The following USP49 variants were observed in gnomAD, a reference collection of about 807,000 sequenced individuals.
The protein encoded by USP49 is ubiquitin carboxyl-terminal hydrolase 49.
Under a neutral mutation model 58.6 loss-of-function variants are expected in USP49, and 24 were observed. That is an observed-to-expected ratio of 0.41 (90% confidence interval 0.30 to 0.58). USP49 has a LOEUF of 0.58. USP49 is among the 20% of genes least tolerant of loss of function. The pLI is 0.30. For missense variants in USP49, 703 were observed against 866.1 expected (o/e 0.81, Z 2.36); for synonymous variants, 408 against 365.1 (o/e 1.12, Z -1.34).
At chr6:41,833,246 G>C (rs1016148006) in intron 3 of USP49, among the ~76,000 whole-genome samples, 2 of 151,794 alleles carry the variant, frequency 1.3e-5, no homozygotes, top group African/African-American at 4.8e-5. Context: ...TCGATCTCCT[G>C]ACCTCATGAT....
chr6:41,889,570 G>T (rs940535977), intron 2 of USP49, among the ~76,000 whole-genome samples: 1 of 152,006 alleles, frequency 6.6e-6, no homozygotes, highest in Non-Finnish European at 1.5e-5. Context: ...CAACACATGG[G>T]TACACTGTGA....
chr6:41,888,939 G>A (rs1326010200), intron 2 of USP49, among the ~76,000 whole-genome samples: 4 of 152,142 alleles, frequency 2.6e-5, no homozygotes, highest in Non-Finnish European at 5.9e-5. Context: ...CCAAAATTTA[G>A]GTTTATTTGG....
intron 2 of USP49, 111 bp downstream of exon 2, chr6:41,891,683 G>A (rs1774813022): frequency 6.6e-6 from 1 of 152,152 alleles, no homozygotes; most frequent in African/African-American, 2.4e-5. Context: ...TTGGAGAGAA[G>A]GCAGACTCTC....
chr6:41,814,735 G>A (rs996106505), intron 3 of USP49, among the ~76,000 whole-genome samples: 1 of 152,136 alleles, frequency 6.6e-6, no homozygotes, highest in African/African-American at 2.4e-5. Flanking sequence ...ACTAAGGACC[G>A]TAGAATAATC....
intron 3 of USP49, among the ~76,000 whole-genome samples, chr6:41,863,648 T>G (rs1582028381): frequency 6.6e-6 from 1 of 152,330 alleles, no homozygotes; most frequent in Middle Eastern, 3.4e-3. Flanking sequence ...CTCACAGAGT[T>G]GATGTGATTA....
intron 3 of USP49, among the ~76,000 whole-genome samples, chr6:41,867,930 TACTTAA>T (rs1456875719): frequency 6.6e-6 from 1 of 152,234 alleles, no homozygotes; most frequent in Non-Finnish European, 1.5e-5. Context: ...ATTTTTCCCA[TACTTAA>T]GATACATGAT....
intron 2 of USP49, among the ~76,000 whole-genome samples, chr6:41,883,395 GC>G (rs1410305025): frequency 2.0e-5 from 3 of 148,690 alleles, no homozygotes; most frequent in Non-Finnish European, 4.4e-5. Context: ...AGTGGCTCAC[GC>G]TTGTAATCCC....
intron 3 of USP49, among the ~76,000 whole-genome samples, chr6:41,842,240 G>A (rs1773840006): frequency 6.6e-6 from 1 of 151,994 alleles, no homozygotes; most frequent in Middle Eastern, 3.4e-3. Context: ...GGGTGTGGTG[G>A]CTCACACCTA....
At position 41,806,079 on chromosome 6, in the gene USP49, T is replaced by C; in HGVS notation, c.905A>G (p.Gln302Arg). 1.9e-6 allele frequency: 3 copies of C among 1,614,088 alleles called. No individual in the cohort carries two copies. Among genetic ancestry groups the C allele is most frequent in the Non-Finnish European group, 2.5e-6 (3 of 1,180,040 alleles). The stretch of plus-strand genomic sequence containing the variant: ...GCTGTTGGTTGGCTTGCCAGAAAGC[T>C]GAGTCTTCCCGTTGGTGGCTTTGGG... ...LFPKATNGKT[Q>R]LSGKPTNSSA... The change falls in exon 4 of 8, where the codon CAG (glutamine) becomes CGG (arginine). Residue 302 changes from glutamine (Q) to arginine (R), a missense_variant. Physicochemically the swap from Gln to Arg is conservative, Grantham distance 43. Around this residue, in one of 6 missense-constraint regions of USP49, gnomAD observed 97 missense variants for 88.0 expected, o/e 1.10. Coordinates refer to ENST00000682992, the MANE Select transcript of USP49 (RefSeq NM_001286554.2). This position sits in a 1 kb window ranked among gnomAD's most constrained non-coding sequence, Gnocchi z 5.9.
At chr6:41,849,243 A>T (rs906172437) in intron 3 of USP49, among the ~76,000 whole-genome samples, 2 of 152,224 alleles carry the variant, frequency 1.3e-5, no homozygotes, top group Non-Finnish European at 1.5e-5. Flanking sequence ...AGGGTAAACC[A>T]GGAAGATATA....
rs763976444 is a variant in USP49, at chr6:41,798,905, C to G, written c.1695G>C (p.Glu565Asp). 7 of 1,613,744 alleles carry G rather than the reference C, an allele frequency of 4.3e-6. No homozygotes were observed. In the East Asian group the frequency reaches 1.1e-4, roughly 26 times the overall value. The change falls in exon 7 of 8, where the codon GAG becomes GAC. Residue 565 changes from glutamate to aspartate, a missense_variant. This residue lies in a region of USP49 where 158 missense variants were observed against 241.2 expected (regional missense o/e 0.66). Coordinates refer to ENST00000682992, the MANE Select transcript of USP49 (RefSeq NM_001286554.2). ...CAAAGACGACATGGACCCCAATCTTCTCTCGATGATTACGGCCAGACCACC... is the reference window on the plus strand; with the variant it reads ...CAAAGACGACATGGACCCCAATCTTGTCTCGATGATTACGGCCAGACCACC... ...RFRWSGRNHR[E>D]KIGVHVVFDQ...
At chr6:41,888,141 G>A (rs931179519) in intron 2 of USP49, among the ~76,000 whole-genome samples, 1 of 131,460 alleles carries the variant, frequency 7.6e-6, no homozygotes, top group Non-Finnish European at 1.5e-5. Flanking sequence ...TGCAACCTCC[G>A]CCTCCCAGGT....
chr6:41,891,165 T>C (rs75473338), intron 2 of USP49, among the ~76,000 whole-genome samples: 2,533 of 152,264 alleles, frequency 0.017, 54 homozygotes, highest in African/African-American at 0.051. Flanking sequence ...AAGAAGAACT[T>C]GGTGAGGGAG....
chr6:41,803,611 GT>G lies in USP49; in HGVS notation c.1561+194del, dbSNP rs1402302198. On this transcript the variant is annotated intron_variant, in intron 5 of 7. Coordinates refer to ENST00000682992, the MANE Select transcript of USP49 (RefSeq NM_001286554.2). This position sits in a 1 kb window ranked among gnomAD's most constrained non-coding sequence, Gnocchi z 4.1. ...GAGCCACAACGCCCAGCCTTGTTTT[GT>G]TTTTTAATACATAATTAAAACAAGT... Among the ~76,000 whole-genome samples, 1 of 152,110 alleles carries G rather than the reference GT, an allele frequency of 6.6e-6. No homozygotes were observed. The highest frequency in any genetic ancestry group is 6.6e-5 in the Admixed American group (1 of 15,264).
intron 3 of USP49, among the ~76,000 whole-genome samples, chr6:41,836,880 C>G (rs181862845): frequency 3.0e-4 from 46 of 151,464 alleles, no homozygotes; most frequent in East Asian, 7.7e-4. Flanking sequence ...CACACACAAA[C>G]AAAATACCTA....
At chr6:41,860,619 T>C (rs1255024442) in intron 3 of USP49, among the ~76,000 whole-genome samples, 3 of 152,030 alleles carry the variant, frequency 2.0e-5, no homozygotes, top group Non-Finnish European at 1.5e-5. Context: ...GTGATTCCCC[T>C]GCCTCAGCCT....
chr6:41,832,608 TTATTA>T (rs1773654371), intron 3 of USP49, among the ~76,000 whole-genome samples: 1 of 152,086 alleles, frequency 6.6e-6, no homozygotes, highest in Non-Finnish European at 1.5e-5. Flanking sequence ...AAACCTGGTG[TTATTA>T]TGAGGACTGG....
intron 2 of USP49, among the ~76,000 whole-genome samples, chr6:41,876,556 G>A (rs1774508009): frequency 6.6e-6 from 1 of 152,080 alleles, no homozygotes. Flanking sequence ...TGGGACTACA[G>A]GTGCGTGCCA....
At chr6:41,851,952 CAAAAAAAAAAAAAA>C (rs67716441) in intron 3 of USP49, among the ~76,000 whole-genome samples, 4 of 54,892 alleles carry the variant, frequency 7.3e-5, no homozygotes, top group South Asian at 9.6e-4. Context: ...AGACTCGTCT[CAAAAAAAAAAAAAA>C]AAAAAAAAAA....
Sources: gnomAD v4.1 joint callset for allele counts (sites outside exome capture counted in the v4.1 genomes callset) on GRCh38, gnomAD v4.1.1 for gene constraint, gnomAD v4.1.1 regional missense constraint, Gnocchi (gnomAD v3.1) non-coding constraint, MANE v1.5 for transcripts, NCBI Gene and HGNC (gene_info 2026-07-23, HGNC 2026-07-21) for gene names.